Variants in SEMA3A observed in about 807,000 individuals in gnomAD.
The protein encoded by SEMA3A is semaphorin 3A.
Under a neutral mutation model 97.9 loss-of-function variants are expected in SEMA3A, and 29 were observed. That is an observed-to-expected ratio of 0.30 (90% CI 0.22 to 0.40). The LOEUF (loss-of-function observed/expected upper bound fraction) is 0.40, where lower values mean the gene tolerates loss of function less well. Ranked by LOEUF, SEMA3A falls within the 10% of genes least tolerant of loss-of-function variation. The pLI, the probability that SEMA3A is intolerant of heterozygous loss-of-function variation, is 1.00. For synonymous variants in SEMA3A, 321 were observed against 323.7 expected (o/e 0.99, Z 0.09); for missense variants, 763 against 951.3 (o/e 0.80, Z 2.60).
At chr7:84,115,676 C>T (rs1023193496) in intron 3 of SEMA3A, among the ~76,000 whole-genome samples, 4 of 152,052 alleles carry the variant, frequency 2.6e-5, no homozygotes, top group African/African-American at 9.7e-5. Flanking sequence ...TTATATGTAC[C>T]TAGCATAACC....
chr7:84,363,321 T>C (rs979108760), intron 2 of SEMA3A, among the ~76,000 whole-genome samples: 6 of 152,062 alleles, frequency 3.9e-5, no homozygotes, highest in African/African-American at 1.4e-4. Flanking sequence ...TAAAGTTTCA[T>C]GACAGTTCAG....
chr7:84,064,069 G>A lies in SEMA3A; in HGVS notation c.454-3511C>T, dbSNP rs574332362. Among the ~76,000 whole-genome samples the A allele has an allele frequency of 1.5e-3, 229 of 152,248 alleles. 1 individual carries two copies. In the South Asian group the frequency reaches 0.029, roughly 20 times the overall value. ...AAGCCCATCAGACTAACAGCTGATC[G>A]CTCAGCAGAAACCCTACAAGCCAGA... is the stretch of plus-strand genomic sequence containing the variant. On this transcript the variant is annotated intron_variant, in intron 4 of 16. Transcript: ENST00000265362.
At chr7:84,049,973 T>C (rs1469444265) in intron 5 of SEMA3A, among the ~76,000 whole-genome samples, 3 of 149,800 alleles carry the variant, frequency 2.0e-5, no homozygotes, top group Non-Finnish European at 4.4e-5. Flanking sequence ...TGTTTGGTTT[T>C]TTGTTCTTGC....
At chr7:84,020,039 T>C (rs1343643541) in intron 6 of SEMA3A, among the ~76,000 whole-genome samples, 22 of 93,170 alleles carry the variant, frequency 2.4e-4, no homozygotes, top group Non-Finnish European at 3.6e-4. Flanking sequence ...TTCTTTCTTT[T>C]TTTTTTTTTT....
intron 5 of SEMA3A, among the ~76,000 whole-genome samples, chr7:84,058,924 T>C (rs1286750365): frequency 6.6e-6 from 1 of 152,148 alleles, no homozygotes; most frequent in Non-Finnish European, 1.5e-5. Context: ...ATGAACTAGG[T>C]AATACCTACT....
intron 1 of SEMA3A, among the ~76,000 whole-genome samples, chr7:84,181,499 A>G (rs1217402390): frequency 1.3e-5 from 2 of 152,052 alleles, no homozygotes; most frequent in Non-Finnish European, 2.9e-5. Context: ...GACTGACGTA[A>G]TTATGTCTAA....
chr7:84,276,083 C>G (rs2115723162), intron 3 of SEMA3A, among the ~76,000 whole-genome samples: 1 of 152,124 alleles, frequency 6.6e-6, no homozygotes, highest in South Asian at 2.1e-4. Context: ...ACTCTCTGTC[C>G]CATGCCCTAA....
Position 84,316,170 on chromosome 7 carries a change from G to A in SEMA3A, c.-168-8878C>T, listed in dbSNP as rs552389717. On this transcript the variant is annotated intron_variant, in intron 2 of 3. Transcript: ENST00000424555. ...AAAAAAAAAAAAAAAAGTGCTCCCT[G>A]TTTTCAAACTAAACTTCATTTATCG... Among the ~76,000 whole-genome samples the A allele has an allele frequency of 5.8e-3, 731 of 126,992 alleles. 7 individuals are homozygous for A. Among genetic ancestry groups the A allele is most frequent in the African/African-American group, 0.02 (678 of 34,264 alleles). The allele number at this position is 126,992 out of a possible 152,430, so 83.3% of individuals were successfully genotyped here.
chr7:84,294,516 A>G (rs767663759), intron 3 of SEMA3A, among the ~76,000 whole-genome samples: 2 of 152,006 alleles, frequency 1.3e-5, no homozygotes, highest in African/African-American at 4.8e-5. Flanking sequence ...TATTCTTCTC[A>G]TGGGAGTTAC....
At chr7:84,380,333 G>A (rs1328229098) in intron 1 of SEMA3A, among the ~76,000 whole-genome samples, 4 of 152,124 alleles carry the variant, frequency 2.6e-5, no homozygotes, top group African/African-American at 9.7e-5. Context: ...TAATTCCTAT[G>A]ATATGTTCAC....
chr7:84,245,739 G>C (rs1433444782), intron 3 of SEMA3A, among the ~76,000 whole-genome samples: 1 of 151,924 alleles, frequency 6.6e-6, no homozygotes, highest in Admixed American at 6.6e-5. Context: ...TTGTCCCAGA[G>C]GGACACCCAC....
chr7:84,068,450 CA>C (rs1793618911), intron 4 of SEMA3A, among the ~76,000 whole-genome samples: 1 of 138,228 alleles, frequency 7.2e-6, no homozygotes, highest in East Asian at 2.1e-4. Context: ...CTGGAAAAAA[CA>C]AAAGAAAAAT....
intron 1 of SEMA3A, chr7:84,492,314 C>T (rs897203174): frequency 6.6e-6 from 1 of 152,010 alleles, no homozygotes; most frequent in African/African-American, 2.4e-5. Flanking sequence ...GGGCATTGTG[C>T]AAAATGAAAC....
chr7:84,259,127 A>G lies in SEMA3A; in HGVS notation c.-83+48080T>C, dbSNP rs1799784883. Among the ~76,000 whole-genome samples the G allele has an allele frequency of 2.6e-5, 4 of 152,226 alleles. 1 individual carries two copies. The highest frequency in any genetic ancestry group is 9.6e-5 in the African/African-American group (4 of 41,462). On this transcript the variant is annotated intron_variant, in intron 3 of 3. Coordinates refer to the SEMA3A transcript ENST00000424555. The stretch of plus-strand genomic sequence containing the variant: ...CATATTATTTAGTTTTTCAAAGAAT[A>G]AAGCATTTGAGCATTAAAAAATCCA...
At chr7:84,084,011 A>T (rs1419462087) in intron 4 of SEMA3A, among the ~76,000 whole-genome samples, 1 of 151,990 alleles carries the variant, frequency 6.6e-6, no homozygotes, top group Non-Finnish European at 1.5e-5. Flanking sequence ...CTTTTTGCTG[A>T]CCTGTTTCAA....
At chr7:84,287,076 G>GAAAGTA (rs1251548421) in intron 3 of SEMA3A, among the ~76,000 whole-genome samples, 1 of 151,958 alleles carries the variant, frequency 6.6e-6, no homozygotes, top group African/African-American at 2.4e-5. Context: ...ATCTCTTGAT[G>GAAAGTA]AAAGTAAAAA....
chr7:84,326,687 A>G (rs1801782822), intron 2 of SEMA3A, among the ~76,000 whole-genome samples: 1 of 152,000 alleles, frequency 6.6e-6, no homozygotes, highest in Admixed American at 6.6e-5. Context: ...TGTTTTTAAA[A>G]TGATAGCTTG....
At chr7:84,090,972 C>G (rs1328846340) in intron 4 of SEMA3A, among the ~76,000 whole-genome samples, 1 of 150,856 alleles carries the variant, frequency 6.6e-6, no homozygotes, top group African/African-American at 2.4e-5. Context: ...GAGGCTGAGG[C>G]CAGAGAATCA....
At chr7:84,457,035 C>T (rs1290755036) in intron 1 of SEMA3A, among the ~76,000 whole-genome samples, 1 of 151,426 alleles carries the variant, frequency 6.6e-6, no homozygotes, top group Non-Finnish European at 1.5e-5. Flanking sequence ...TTTATATAAG[C>T]ACTGCTTATA....
Sources: allele counts gnomAD v4.1 joint callset (sites outside exome capture counted in the v4.1 genomes callset), GRCh38; gene constraint gnomAD v4.1.1; transcripts MANE v1.5; gene names NCBI Gene and HGNC (gene_info 2026-07-23, HGNC 2026-07-21).